CEP120: variants seen among roughly 807,000 people sequenced by gnomAD.
CEP120 encodes centrosomal protein 120.
CEP120 carries 113 observed loss-of-function variants against 126.5 expected under a neutral mutation model. The ratio of observed to expected loss-of-function variants is 0.89; its 90% confidence interval spans 0.77 to 1.04. The LOEUF (loss-of-function observed/expected upper bound fraction) is 1.04, where lower values mean the gene tolerates loss of function less well. Among genes scored for constraint, CEP120 ranks in the 50% least tolerant of loss-of-function variants. CEP120 has a pLI of 0.00. For missense variants in CEP120, 1,230 were observed against 1,155.7 expected, an observed-to-expected ratio of 1.06 and a Z score of -0.93; for synonymous variants, 400 against 394.3, an observed-to-expected ratio of 1.01 and a Z score of -0.17.
At chr5:123,357,397 A>AAGAT (rs1364299645) in intron 18 of CEP120, among the ~76,000 whole-genome samples, 5 of 151,626 alleles carry the variant, frequency 3.3e-5, no homozygotes, top group South Asian at 2.1e-4. Flanking sequence ...AATTACACAT[A>AAGAT]AGATAGTCTC....
Position 123,423,005 on chromosome 5 carries a change from G to C in CEP120, c.-7C>G. The C allele has an allele frequency of 6.2e-7, 1 of 1,613,936 alleles. No homozygotes were observed. The highest frequency in any genetic ancestry group is 8.5e-7 in the Non-Finnish European group (1 of 1,179,890). On this transcript the variant is annotated 5_prime_UTR_variant, in exon 1 of 20. Transcript: ENST00000306467. The stretch of plus-strand genomic sequence containing the variant: ...GGTCGGATTTGGAGACCATGGTTGC[G>C]GTGAGCGGTCCGGGGGCGAAGGCGG...
At chr5:123,422,921 G>T in intron 1 of CEP120, 29 bp downstream of exon 1, 1 of 1,608,630 alleles carries the variant, frequency 6.2e-7, no homozygotes, top group Non-Finnish European at 8.5e-7. Flanking sequence ...GGAGGCAGCA[G>T]TTGCAAAAGC....
intron 3 of CEP120, among the ~76,000 whole-genome samples, chr5:123,415,214 T>C (rs770218601): frequency 4.9e-4 from 74 of 151,948 alleles, no homozygotes; most frequent in African/African-American, 5.3e-4. Context: ...TAAGAAACAA[T>C]AGCAGCTGAG....
chr5:123,359,498 G>C (rs1197297968), intron 18 of CEP120, among the ~76,000 whole-genome samples: 1 of 151,988 alleles, frequency 6.6e-6, no homozygotes, highest in African/African-American at 2.4e-5. Flanking sequence ...AGTATTTGTA[G>C]ACCAATGCAA....
At chr5:123,357,968 T>TAATA (rs1379899691) in intron 18 of CEP120, among the ~76,000 whole-genome samples, 1 of 152,114 alleles carries the variant, frequency 6.6e-6, no homozygotes. Flanking sequence ...GATAATTATG[T>TAATA]AATATTTAGT....
intron 8 of CEP120, among the ~76,000 whole-genome samples, chr5:123,389,563 C>T (rs13174550): frequency 0.4 from 60,139 of 150,866 alleles, 11,726 homozygotes; most frequent in East Asian, 0.47. Context: ...TGCAATGGCG[C>T]GATCTTGGCT....
chr5:123,365,477 GT>G (rs1770391061), intron 17 of CEP120, among the ~76,000 whole-genome samples: 1 of 151,712 alleles, frequency 6.6e-6, no homozygotes, highest in South Asian at 2.1e-4. Context: ...ATCAAGTCTA[GT>G]TTTTCCCATA....
chr5:123,409,206 A>C (rs1773882113), intron 4 of CEP120, among the ~76,000 whole-genome samples: 1 of 152,242 alleles, frequency 6.6e-6, no homozygotes, highest in African/African-American at 2.4e-5. Flanking sequence ...TAGATGCAGA[A>C]AAAGTATTTG....
At chr5:123,380,278 A>G (rs1225457959) in intron 14 of CEP120, among the ~76,000 whole-genome samples, 1 of 152,130 alleles carries the variant, frequency 6.6e-6, no homozygotes, top group Non-Finnish European at 1.5e-5. Context: ...AACTGATCCC[A>G]TGCAAGACAG....
chr5:123,406,714 A>G lies in CEP120; in HGVS notation c.463+5685T>C, dbSNP rs528537284. 2.6e-3 allele frequency among the ~76,000 whole-genome samples: 402 copies of G among 152,204 alleles called. 3 individuals carry two copies. Among genetic ancestry groups the G allele is most frequent in the African/African-American group, 9.3e-3 (388 of 41,568 alleles). Reference sequence around the variant, plus strand: ...ATTTGTTGCCAGTAGACCTGTGTGCAAGAAATATTAAAAAGTTCTTCACAG... The same window carrying G: ...ATTTGTTGCCAGTAGACCTGTGTGCGAGAAATATTAAAAAGTTCTTCACAG... On this transcript the variant is annotated intron_variant, in intron 4 of 19. Coordinates refer to ENST00000306467, the MANE Select transcript of CEP120 (RefSeq NM_001375405.1).
chr5:123,381,148 C>T (rs965729537), intron 14 of CEP120, among the ~76,000 whole-genome samples: 4 of 152,090 alleles, frequency 2.6e-5, no homozygotes, highest in South Asian at 2.1e-4. Flanking sequence ...TATGAAACAA[C>T]TGTTTTTAGA....
chr5:123,377,387 C>A lies in CEP120; in HGVS notation c.2345G>T (p.Arg782Leu). The change falls in exon 16 of 20, where the codon CGC becomes CTC. Residue 782 changes from arginine to leucine, a missense_variant. Coordinates refer to ENST00000306467, the MANE Select transcript of CEP120 (RefSeq NM_001375405.1). ...ACGTTATCCAACCTGTTGCTGAAGG[C>A]GGTGTTTATCCTCTTCGAGCTGTTT... is the stretch of plus-strand genomic sequence containing the variant. ...KIKQLEEDKH[R>L]LQQQLNDAEN... 2 of 1,607,500 alleles carry A rather than the reference C, an allele frequency of 1.2e-6. No homozygotes were observed. The highest frequency in any genetic ancestry group is 1.7e-6 in the Non-Finnish European group (2 of 1,178,060).
At chr5:123,364,704 A>G in intron 17 of CEP120, 110 bp from the exon 18 acceptor site, 1 of 447,218 alleles carries the variant, frequency 2.2e-6, no homozygotes, top group Non-Finnish European at 4.0e-6. Context: ...ATACAGTGTA[A>G]CATACGACAT....
chr5:123,420,455 G>T (rs1774646235), intron 1 of CEP120, among the ~76,000 whole-genome samples: 1 of 152,166 alleles, frequency 6.6e-6, no homozygotes, highest in African/African-American at 2.4e-5. Flanking sequence ...TCAAGAAATT[G>T]CAAGTTAACT....
At chr5:123,370,899 C>T (rs1346272777) in intron 17 of CEP120, among the ~76,000 whole-genome samples, 1 of 151,664 alleles carries the variant, frequency 6.6e-6, no homozygotes, top group African/African-American at 2.4e-5. Flanking sequence ...AGCCACTATA[C>T]CCAGTCCCCA....
At chr5:123,364,693 T>G in intron 17 of CEP120, 99 bp from the exon 18 acceptor site, 1 of 547,132 alleles carries the variant, frequency 1.8e-6, no homozygotes, top group Non-Finnish European at 3.1e-6. Flanking sequence ...GAAAAGAGTT[T>G]ATACAGTGTA....
chr5:123,393,701 T>C lies in CEP120; in HGVS notation c.613-204A>G, dbSNP rs554144641. On this transcript the variant is annotated intron_variant, in intron 5 of 19. Transcript: ENST00000306467. ...AGAGTCGTCTTAGAAAAGCAGAGTC[T>C]AAAAGACTTTATAGATTTATGTTGT... 7.2e-5 allele frequency among the ~76,000 whole-genome samples: 11 copies of C among 152,352 alleles called. 1 individual carries two copies. In the East Asian group the frequency reaches 2.1e-3, roughly 29 times the overall value.
chr5:123,361,587 T>C (rs986685550), intron 18 of CEP120, among the ~76,000 whole-genome samples: 44 of 151,962 alleles, frequency 2.9e-4, no homozygotes, highest in African/African-American at 1.1e-3. Flanking sequence ...TTTTTGCTTC[T>C]GTACAGTTTT....
Position 123,367,529 on chromosome 5 carries a change from AT to A in CEP120, c.2482-2936del, listed in dbSNP as rs547140046. ...ATAAGAAATGCATCTCAGACTTCAG[AT>A]TTTCCGAACAGCGATGCTGAACAGG... is the stretch of plus-strand genomic sequence containing the variant. On this transcript the variant is annotated intron_variant, in intron 17 of 19. Transcript: ENST00000306467. 2.3e-4 allele frequency among the ~76,000 whole-genome samples: 35 copies of A among 152,016 alleles called. No homozygotes were observed. The South Asian group carries it at 7.3e-3, about 32-fold the overall frequency.
Sources: gnomAD v4.1 joint callset for allele counts (sites outside exome capture counted in the v4.1 genomes callset) on GRCh38, gnomAD v4.1.1 for gene constraint, MANE v1.5 for transcripts, NCBI Gene and HGNC (gene_info 2026-07-23, HGNC 2026-07-21) for gene names.